The following POLR1C variants were observed in gnomAD, a reference collection of about 807,000 sequenced individuals.
The protein encoded by POLR1C is DNA-directed RNA polymerases I and III subunit RPAC1.
A neutral mutation model predicts 38.3 loss-of-function variants in POLR1C; 42 were observed. The ratio of observed to expected loss-of-function variants is 1.10; its 90% CI spans 0.86 to 1.42. The LOEUF (loss-of-function observed/expected upper bound fraction) is 1.42, where lower values mean the gene tolerates loss of function less well. Among genes scored for constraint, POLR1C ranks in the 40% most tolerant of loss-of-function variants. POLR1C has a pLI of 0.00. For synonymous variants in POLR1C, 163 were observed against 163.9 expected, an observed-to-expected ratio of 0.99 and a Z score of 0.04; for missense variants, 507 against 450.5, an observed-to-expected ratio of 1.13 and a Z score of -1.14.
At position 43,520,070 on chromosome 6, in the gene POLR1C, T is replaced by C. The variant is rs1793059740; in HGVS notation, c.387T>C (p.Asp129=). ...GAGCTCCCTCCATTTGTGCAGGAGA[T>C]GAAGAAGGCACAGAGATAGATACTC... ...PRLFEYRNQG[D]EEGTEIDTLQ... The change falls in exon 5 of 9, where the codon GAT becomes GAC. Residue 129 remains aspartate (D), a synonymous_variant. Coordinates refer to ENST00000642195, the MANE Select transcript of POLR1C (RefSeq NM_203290.4). The C allele has an allele frequency of 6.2e-7, 1 of 1,614,170 alleles. No homozygotes were observed. The highest frequency in any genetic ancestry group is 8.5e-7 in the Non-Finnish European group (1 of 1,180,008).
intron 10 of POLR1C, chr6:43,560,333 A>C: frequency 6.4e-7 from 1 of 1,571,324 alleles, no homozygotes; most frequent in South Asian, 1.2e-5. Context: ...AAAACGTCAA[A>C]GGATTTGGAT....
chr6:43,533,865 G>A, downstream of POLR1C: 2 of 1,459,242 alleles, frequency 1.4e-6, no homozygotes, highest in Non-Finnish European at 1.9e-6. Context: ...CATCCATTAG[G>A]GATAAGATAA....
At chr6:43,558,498 T>G in intron 10 of POLR1C, 1 of 1,595,056 alleles carries the variant, frequency 6.3e-7, no homozygotes, top group South Asian at 1.1e-5. Context: ...CAACATCACT[T>G]ACAGTTGAAG....
chr6:43,524,749 A>C (rs1014672028), downstream of POLR1C: 9 of 1,589,188 alleles, frequency 5.7e-6, no homozygotes, highest in African/African-American at 1.1e-4. Context: ...AGGTGCCTGA[A>C]TTTAGGATAA....
chr6:43,520,811 A>C, intron 7 of POLR1C, 37 bp downstream of exon 7: 1 of 1,612,432 alleles, frequency 6.2e-7, no homozygotes, highest in Non-Finnish European at 8.5e-7. Context: ...TTAGGACCTA[A>C]ATTATATTTT....
chr6:43,538,811 G>A (rs1305446995), intron 9 of POLR1C: 2 of 868,068 alleles, frequency 2.3e-6, no homozygotes, highest in African/African-American at 1.7e-5. Context: ...TATTTTTCTT[G>A]TATAAAAACC....
At chr6:43,525,842 A>T (rs761459584), downstream of POLR1C, 10 of 1,613,858 alleles carry the variant, frequency 6.2e-6, no homozygotes, top group South Asian at 1.1e-4. Flanking sequence ...TACCCACCTC[A>T]TGCTTCATCA....
intron 8 of POLR1C, chr6:43,528,881 A>T: frequency 1.9e-6 from 3 of 1,613,946 alleles, no homozygotes; most frequent in Non-Finnish European, 2.5e-6. Context: ...AGGGCTTCAT[A>T]GTGCTCTGGG....
chr6:43,525,441 G>C (rs535469720), downstream of POLR1C: 9 of 540,024 alleles, frequency 1.7e-5, no homozygotes, highest in Non-Finnish European at 2.3e-5. Flanking sequence ...CCTGGCTTAG[G>C]AGCTGGAGTT....
intron 9 of POLR1C, among the ~76,000 whole-genome samples, chr6:43,537,385 G>C (rs1794404866): frequency 6.6e-6 from 1 of 152,088 alleles, no homozygotes; most frequent in Non-Finnish European, 1.5e-5. Context: ...ATCTACAAAG[G>C]ATTATCTGCT....
intron 10 of POLR1C, among the ~76,000 whole-genome samples, chr6:43,556,853 G>C (rs1762115877): frequency 6.6e-6 from 1 of 152,326 alleles, no homozygotes; most frequent in African/African-American, 2.4e-5. Context: ...TGAAGGCCGG[G>C]TGTGGTGGCT....
chr6:43,547,796 G>A, intron 9 of POLR1C: 2 of 1,158,314 alleles, frequency 1.7e-6, no homozygotes, highest in South Asian at 2.6e-5. Flanking sequence ...ATCATTATTT[G>A]GCCCTTAAGA....
chr6:43,551,164 G>A (rs1489946311), intron 10 of POLR1C: 1 of 889,464 alleles, frequency 1.1e-6, no homozygotes, highest in Non-Finnish European at 1.6e-6. Flanking sequence ...GGTGAGGTGT[G>A]AGGATCCCTT....
downstream of POLR1C, chr6:43,524,801 C>T (rs767568173): frequency 6.2e-7 from 1 of 1,611,140 alleles, no homozygotes; most frequent in Non-Finnish European, 8.5e-7. Flanking sequence ...GAAGCTGCAG[C>T]CATCCTTCCC....
chr6:43,529,291 C>T (rs1361858942), exon 9 of POLR1C: 1 of 1,272,884 alleles, frequency 7.9e-7, no homozygotes, highest in African/African-American at 1.5e-5. Context: ...ACCTGTAATC[C>T]CAGCACTTTG....
chr6:43,523,061 T>C (rs1408678498), downstream of POLR1C: 1 of 162,784 alleles, frequency 6.1e-6, no homozygotes, highest in Non-Finnish European at 1.4e-5. Flanking sequence ...GTATTATCCT[T>C]GGATGACAAC....
intron 9 of POLR1C, chr6:43,550,923 A>G (rs1795196979): frequency 6.4e-6 from 1 of 157,268 alleles, no homozygotes; most frequent in East Asian, 1.8e-4. Context: ...CTTCATTGCA[A>G]TGCCATATAG....
At chr6:43,533,732 G>C (rs1391540451), downstream of POLR1C, 13 of 384,066 alleles carry the variant, frequency 3.4e-5, no homozygotes, top group Middle Eastern at 8.4e-4. Context: ...CTACTCGGGA[G>C]GCTGAGGCAG....
intron 10 of POLR1C, among the ~76,000 whole-genome samples, chr6:43,552,443 C>T (rs1483227230): frequency 6.6e-6 from 1 of 152,124 alleles, no homozygotes; most frequent in Non-Finnish European, 1.5e-5. Flanking sequence ...GCCTCTGCCT[C>T]CTGGGTTCAA....
Sources: allele counts gnomAD v4.1 joint callset (sites outside exome capture counted in the v4.1 genomes callset), GRCh38; gene constraint gnomAD v4.1.1; transcripts MANE v1.5; gene names NCBI Gene and HGNC (gene_info 2026-07-23, HGNC 2026-07-21).